TLK2: variants seen among roughly 807,000 people sequenced by gnomAD.
The protein encoded by TLK2 is serine/threonine-protein kinase tousled-like 2.
A neutral mutation model predicts 117.3 loss-of-function variants in TLK2; 6 were observed. That is an observed-to-expected ratio of 0.05 (90% CI 0.03 to 0.10). The LOEUF is 0.10. Among genes scored for constraint, TLK2 ranks in the 10% least tolerant of loss-of-function variants. The pLI, the probability that TLK2 is intolerant of heterozygous loss-of-function variation, is 1.00. For synonymous variants in TLK2, 257 were observed against 316.7 expected, an observed-to-expected ratio of 0.81 and a Z score of 2.00; for missense variants, 299 against 901.2, an observed-to-expected ratio of 0.33 and a Z score of 8.56.
At chr17:62,494,140 G>A (rs1375174558) in intron 2 of TLK2, among the ~76,000 whole-genome samples, 2 of 152,066 alleles carry the variant, frequency 1.3e-5, no homozygotes, top group African/African-American at 4.8e-5. Flanking sequence ...CTGGAGTGCA[G>A]TGGTGTGATC....
chr17:62,565,567 G>T (rs1483094933), intron 11 of TLK2, among the ~76,000 whole-genome samples: 1 of 145,922 alleles, frequency 6.9e-6, no homozygotes, highest in Non-Finnish European at 1.5e-5. Context: ...GCAGAGAACT[G>T]ATTGAACCTG....
At chr17:62,491,936 A>G (rs181350730) in intron 2 of TLK2, among the ~76,000 whole-genome samples, 289 of 152,348 alleles carry the variant, frequency 1.9e-3, no homozygotes, top group Non-Finnish European at 2.7e-3. Flanking sequence ...ATATATTGCA[A>G]AGTATTGGAG....
intron 2 of TLK2, among the ~76,000 whole-genome samples, chr17:62,500,162 T>C (rs2074071247): frequency 6.6e-6 from 1 of 151,872 alleles, no homozygotes; most frequent in Admixed American, 6.6e-5. Context: ...CTTAAACTCC[T>C]GGGCTCAAGT....
intron 7 of TLK2, among the ~76,000 whole-genome samples, chr17:62,549,485 A>G (rs752006579): frequency 1.9e-4 from 28 of 150,684 alleles, no homozygotes; most frequent in Non-Finnish European, 4.0e-4. Flanking sequence ...ATCAAATGAT[A>G]ACTGAAGGAA....
chr17:62,561,281 A>G (rs947952434), intron 10 of TLK2, among the ~76,000 whole-genome samples: 2 of 152,374 alleles, frequency 1.3e-5, no homozygotes, highest in African/African-American at 2.4e-5. Flanking sequence ...TAGTGCCACA[A>G]TAAACATACA....
At position 62,612,518 on chromosome 17, in the gene TLK2, G is replaced by A; in HGVS notation, c.2206G>A (p.Ala736Thr). Residue 736 changes from alanine (A) to threonine (T), a missense_variant, in exon 22 of 22, where the codon GCT (alanine) becomes ACT (threonine). Ala to Thr is a moderately conservative substitution (Grantham distance 58). Coordinates refer to ENST00000346027, the MANE Select transcript of TLK2 (RefSeq NM_006852.6). ...SVSTSSPAGA[A>T]IASTSGASNN... The stretch of plus-strand genomic sequence containing the variant: ...CTCTACAAGTAGCCCTGCTGGAGCT[G>A]CTATTGCATCAACCTCTGGGGCGTC... The A allele has an allele frequency of 6.2e-7, 1 of 1,614,186 alleles. No homozygotes were observed. Among genetic ancestry groups the A allele is most frequent in the South Asian group, 1.1e-5 (1 of 91,082 alleles).
At chr17:62,593,447 T>TA (rs952281246) in intron 16 of TLK2, among the ~76,000 whole-genome samples, 4 of 152,348 alleles carry the variant, frequency 2.6e-5, no homozygotes, top group Admixed American at 6.5e-5. Context: ...ACACTTAGCT[T>TA]AAAAAAATCA....
At chr17:62,584,066 T>C (rs1236901861) in intron 15 of TLK2, among the ~76,000 whole-genome samples, 1 of 151,682 alleles carries the variant, frequency 6.6e-6, no homozygotes, top group Non-Finnish European at 1.5e-5. Flanking sequence ...GCATTGGTGC[T>C]CTTATAAATT....
chr17:62,498,449 G>C (rs1332411328), intron 2 of TLK2, among the ~76,000 whole-genome samples: 1 of 151,006 alleles, frequency 6.6e-6, no homozygotes, highest in African/African-American at 2.4e-5. Context: ...TAGTGCAGTG[G>C]CACAGTCTCG....
chr17:62,583,348 G>A (rs1211928496), intron 15 of TLK2, among the ~76,000 whole-genome samples: 1 of 152,042 alleles, frequency 6.6e-6, no homozygotes, highest in East Asian at 1.9e-4. Context: ...GCCCATCTCT[G>A]CCTCCCAAAG....
At chr17:62,481,247 T>C (rs1319510704) in intron 2 of TLK2, 41 bp downstream of exon 2, 1 of 1,605,056 alleles carries the variant, frequency 6.2e-7, no homozygotes, top group African/African-American at 1.3e-5. Flanking sequence ...CATATTCTAA[T>C]TTAAACACAT....
At chr17:62,527,600 G>A (rs547068435) in intron 6 of TLK2, among the ~76,000 whole-genome samples, 66 of 152,096 alleles carry the variant, frequency 4.3e-4, no homozygotes, top group Admixed American at 9.8e-4. Flanking sequence ...TTTGTTGCAC[G>A]TTACTTTTGT....
intron 18 of TLK2, among the ~76,000 whole-genome samples, chr17:62,601,489 T>C (rs1214692796): frequency 6.6e-6 from 1 of 152,238 alleles, no homozygotes; most frequent in Non-Finnish European, 1.5e-5. Flanking sequence ...TTGACTATTC[T>C]CTAATGTTCT....
Position 62,522,292 on chromosome 17 carries a change from C to A in TLK2, c.223+19C>A. 1 of 1,605,864 alleles carries A rather than the reference C, an allele frequency of 6.2e-7. No individual in the cohort carries two copies. On this transcript the variant is annotated intron_variant, in intron 4 of 21. Transcript: ENST00000346027. ...AGCCAAGGTAGTAATAATTTCGTAT[C>A]AACAAAAGTACTCAATTCTAATGTA...
intron 2 of TLK2, among the ~76,000 whole-genome samples, chr17:62,501,501 G>C (rs1245500876): frequency 6.6e-6 from 1 of 152,110 alleles, no homozygotes; most frequent in Non-Finnish European, 1.5e-5. Flanking sequence ...GTTTGGCCAA[G>C]GTGGGCCAAT....
chr17:62,546,344 G>GTTTTTTGTTTTTTTTTTTTTTT (rs2077921917), intron 7 of TLK2, among the ~76,000 whole-genome samples: 1 of 23,346 alleles, frequency 4.3e-5, no homozygotes, highest in Non-Finnish European at 9.6e-5. Context: ...TTTGTTGATT[G>GTTTTTTGTTTTTTTTTTTTTTT]TTTTTTTTTT....
chr17:62,524,139 A>G, intron 5 of TLK2, 97 bp from the exon 6 acceptor site: 2 of 806,114 alleles, frequency 2.5e-6, no homozygotes, highest in South Asian at 2.5e-5. Flanking sequence ...AAGGGGCCAT[A>G]TAATTAAGAT....
chr17:62,511,511 C>T (rs947744849), intron 2 of TLK2, among the ~76,000 whole-genome samples: 3 of 152,174 alleles, frequency 2.0e-5, no homozygotes, highest in African/African-American at 7.2e-5. Context: ...GCTGGGACTA[C>T]AGGTACACAC....
intron 1 of TLK2, among the ~76,000 whole-genome samples, chr17:62,472,665 G>A (rs2070963787): frequency 6.6e-6 from 1 of 151,776 alleles, no homozygotes; most frequent in Admixed American, 6.6e-5. Flanking sequence ...TTGAATCCAG[G>A]AGGCCCAGGT....
Sources: gnomAD v4.1 joint callset for allele counts (sites outside exome capture counted in the v4.1 genomes callset) on GRCh38, gnomAD v4.1.1 for gene constraint, MANE v1.5 for transcripts, NCBI Gene and HGNC (gene_info 2026-07-23, HGNC 2026-07-21) for gene names.